Variants in GRM8 observed in about 807,000 individuals in gnomAD.
GRM8 encodes metabotropic glutamate receptor 8.
In GRM8, 47 loss-of-function variants were observed where a neutral mutation model predicts 87.2. The ratio of observed to expected loss-of-function variants is 0.54; its 90% CI spans 0.43 to 0.69. The LOEUF is 0.69. Ranked by LOEUF, GRM8 falls within the 30% of genes least tolerant of loss-of-function variation. The pLI, the probability that GRM8 is intolerant of heterozygous loss-of-function variation, is 0.00. For missense variants in GRM8, 1,019 were observed against 1,139.2 expected, an observed-to-expected ratio of 0.89 and a Z score of 1.52; for synonymous variants, 396 against 404.5, an observed-to-expected ratio of 0.98 and a Z score of 0.25.
At chr7:126,447,868 G>A (rs1802191836) in intron 9 of GRM8, among the ~76,000 whole-genome samples, 1 of 151,856 alleles carries the variant, frequency 6.6e-6, no homozygotes, top group Non-Finnish European at 1.5e-5. Context: ...CCTTGCATAA[G>A]AGCTCATTGT....
chr7:126,762,908 G>C (rs1334900044), intron 7 of GRM8, among the ~76,000 whole-genome samples: 1 of 151,806 alleles, frequency 6.6e-6, no homozygotes, highest in Admixed American at 6.6e-5. Context: ...AAATGTTTAA[G>C]TCTTCATAAA....
At chr7:126,440,360 G>A (rs1801323955) in intron 10 of GRM8, among the ~76,000 whole-genome samples, 2 of 132,846 alleles carry the variant, frequency 1.5e-5, no homozygotes, top group East Asian at 2.3e-4. Flanking sequence ...CCAGTGAGCC[G>A]AGATCGCGCC....
At chr7:127,247,932 G>C (rs1416436795) in intron 1 of GRM8, among the ~76,000 whole-genome samples, 1 of 152,106 alleles carries the variant, frequency 6.6e-6, no homozygotes. Flanking sequence ...TTCTACACAA[G>C]CCAGCCTCAT....
chr7:126,980,483 T>C (rs1267088973), intron 3 of GRM8, among the ~76,000 whole-genome samples: 1 of 152,252 alleles, frequency 6.6e-6, no homozygotes, highest in South Asian at 2.1e-4. Flanking sequence ...AATATTTACT[T>C]GAATCTAGAG....
intron 3 of GRM8, among the ~76,000 whole-genome samples, chr7:127,054,990 C>A (rs1819847245): frequency 6.6e-6 from 1 of 151,732 alleles, no homozygotes; most frequent in Admixed American, 6.6e-5. Context: ...TATGGTATGA[C>A]TACCCATAAG....
At chr7:127,206,195 G>C (rs1795902727) in intron 2 of GRM8, among the ~76,000 whole-genome samples, 1 of 152,204 alleles carries the variant, frequency 6.6e-6, no homozygotes, top group East Asian at 1.9e-4. Flanking sequence ...TTGTGGGTGA[G>C]GTACAGTCAC....
intron 7 of GRM8, among the ~76,000 whole-genome samples, chr7:126,658,744 A>T (rs1049246285): frequency 6.6e-6 from 1 of 152,020 alleles, no homozygotes; most frequent in Non-Finnish European, 1.5e-5. Flanking sequence ...AAGAAGGAAG[A>T]CCAGAAATCC....
intron 7 of GRM8, among the ~76,000 whole-genome samples, chr7:126,618,825 T>C (rs546064412): frequency 2.6e-5 from 4 of 152,282 alleles, no homozygotes; most frequent in Admixed American, 2.6e-4. Context: ...CACAATGAGA[T>C]ACCATCTGAC....
At chr7:126,616,964 C>A (rs1799568905) in intron 7 of GRM8, among the ~76,000 whole-genome samples, 1 of 152,172 alleles carries the variant, frequency 6.6e-6, no homozygotes, top group Non-Finnish European at 1.5e-5. Context: ...GGAGCTGGTA[C>A]CATTCCTTCT....
At position 126,529,683 on chromosome 7, in the gene GRM8, C is replaced by G. The variant is rs554413844; in HGVS notation, c.2430+3269G>C. 1.1e-4 allele frequency among the ~76,000 whole-genome samples: 16 copies of G among 152,178 alleles called. No individual in the cohort carries two copies. The South Asian group carries it at 3.3e-3, about 32-fold the overall frequency. ...CATTGGAGGTTGACAGTGTCATAACCCTTGTCTGATTATCTCGATTTTATG... is the reference window on the plus strand; with the variant it reads ...CATTGGAGGTTGACAGTGTCATAACGCTTGTCTGATTATCTCGATTTTATG... On this transcript the variant is annotated intron_variant, in intron 9 of 10. Transcript: ENST00000339582.
At chr7:126,935,856 A>T (rs1050572014) in intron 3 of GRM8, among the ~76,000 whole-genome samples, 4 of 152,260 alleles carry the variant, frequency 2.6e-5, no homozygotes, top group South Asian at 2.1e-4. Flanking sequence ...TCCTCCTCTC[A>T]TCCTAAATAA....
intron 7 of GRM8, among the ~76,000 whole-genome samples, chr7:126,702,003 A>G (rs1223755181): frequency 6.6e-6 from 1 of 152,296 alleles, no homozygotes; most frequent in African/African-American, 2.4e-5. Context: ...GGTCACCCCA[A>G]CTAAAAGGGA....
intron 2 of GRM8, among the ~76,000 whole-genome samples, chr7:127,175,270 T>C (rs1035702977): frequency 1.3e-5 from 2 of 151,960 alleles, no homozygotes; most frequent in Admixed American, 6.6e-5. Context: ...AACATGGCTA[T>C]AAAAAGAATC....
At chr7:126,822,437 G>C (rs531328731) in intron 6 of GRM8, among the ~76,000 whole-genome samples, 6 of 151,878 alleles carry the variant, frequency 4.0e-5, no homozygotes, top group African/African-American at 1.4e-4. Context: ...CTGCACTCAG[G>C]CCCTTCCTTC....
In GRM8 at chr7:127,176,305, T is replaced by A. The variant is rs145774646; in HGVS notation, c.510+66390A>T. Among the ~76,000 whole-genome samples, 23 of 152,286 alleles carry A rather than the reference T, an allele frequency of 1.5e-4. No individual in the cohort carries two copies. In the East Asian group the frequency reaches 4.4e-3, roughly 29 times the overall value. Reference sequence around the variant, plus strand: ...AAATGCAATTATTATAAAACAGATATGAACATGGTAGATATTTATACAACT... The same window carrying A: ...AAATGCAATTATTATAAAACAGATAAGAACATGGTAGATATTTATACAACT... On this transcript the variant is annotated intron_variant, in intron 2 of 10. Transcript: ENST00000339582.
intron 3 of GRM8, among the ~76,000 whole-genome samples, chr7:127,106,285 T>G (rs879513587): frequency 2.0e-5 from 3 of 152,206 alleles, no homozygotes; most frequent in Admixed American, 2.0e-4. Context: ...GGAGTCCTAC[T>G]TCCTAAATTA....
intron 7 of GRM8, among the ~76,000 whole-genome samples, chr7:126,754,312 C>T (rs80262235): frequency 6.6e-6 from 1 of 151,860 alleles, no homozygotes; most frequent in African/African-American, 2.4e-5. Flanking sequence ...CATTAATCTG[C>T]AACAGTATCA....
chr7:126,887,783 A>C (rs1800640245), intron 6 of GRM8, among the ~76,000 whole-genome samples: 1 of 152,106 alleles, frequency 6.6e-6, no homozygotes, highest in Non-Finnish European at 1.5e-5. Context: ...CGTTCATCCC[A>C]CACACTCAAG....
chr7:127,046,669 A>G (rs1248300522), intron 3 of GRM8, among the ~76,000 whole-genome samples: 1 of 152,244 alleles, frequency 6.6e-6, no homozygotes, highest in Non-Finnish European at 1.5e-5. Flanking sequence ...TTGATTTTAT[A>G]TCTAACGGCC....
Sources: gnomAD v4.1 joint callset for allele counts (sites outside exome capture counted in the v4.1 genomes callset) on GRCh38, gnomAD v4.1.1 for gene constraint, MANE v1.5 for transcripts, NCBI Gene and HGNC (gene_info 2026-07-23, HGNC 2026-07-21) for gene names.